CCDC3: variants seen among roughly 807,000 people sequenced by gnomAD.
The protein encoded by CCDC3 is coiled-coil domain containing 3.
In CCDC3, 24 loss-of-function variants were observed where a neutral mutation model predicts 21.4. The observed-to-expected ratio is 1.12, with a 90% CI of 0.81 to 1.58. CCDC3 has a LOEUF of 1.58. Among genes scored for constraint, CCDC3 ranks in the 40% most tolerant of loss-of-function variants. The pLI is 0.00. For missense variants in CCDC3, 425 were observed against 360.9 expected (o/e 1.18, Z -1.44); for synonymous variants, 186 against 166.0 (o/e 1.12, Z -0.93).
At chr10:13,040,115 GT>G (rs1311128617) in intron 5 of CCDC3, among the ~76,000 whole-genome samples, 3 of 152,080 alleles carry the variant, frequency 2.0e-5, no homozygotes, top group African/African-American at 7.2e-5. Context: ...CAACATCCAG[GT>G]TGTCTGTCCC....
At chr10:13,078,344 A>C (rs1029896556) in intron 3 of CCDC3, among the ~76,000 whole-genome samples, 2 of 152,216 alleles carry the variant, frequency 1.3e-5, no homozygotes, top group Non-Finnish European at 2.9e-5. Flanking sequence ...GGTGATCATT[A>C]AAAAGTCAGG....
chr10:13,098,243 G>C (rs1306760832), intron 3 of CCDC3, among the ~76,000 whole-genome samples: 1 of 152,070 alleles, frequency 6.6e-6, no homozygotes, highest in Non-Finnish European at 1.5e-5. Context: ...GCAGCTTGTG[G>C]GTGACCTTCT....
intron 2 of CCDC3, among the ~76,000 whole-genome samples, chr10:12,983,125 A>T (rs1292522810): frequency 1.2e-5 from 1 of 83,636 alleles, no homozygotes; most frequent in Non-Finnish European, 2.2e-5. Flanking sequence ...AATAAATAAA[A>T]TAGTGTATAT....
intron 4 of CCDC3, chr10:13,058,466 C>G (rs1433571819): frequency 1.6e-5 from 12 of 756,150 alleles, no homozygotes; most frequent in Admixed American, 1.0e-4. Context: ...TATCATATCC[C>G]CCTCAATATG....
chr10:12,948,792 G>C (rs1390781381), intron 2 of CCDC3, among the ~76,000 whole-genome samples: 1 of 136,724 alleles, frequency 7.3e-6, no homozygotes, highest in South Asian at 2.4e-4. Flanking sequence ...GACTGCAGTG[G>C]CCTATCTCGG....
chr10:13,085,966 TAAA>T (rs60901983), intron 3 of CCDC3, among the ~76,000 whole-genome samples: 1 of 138,414 alleles, frequency 7.2e-6, no homozygotes, highest in Non-Finnish European at 1.6e-5. Context: ...GACTCCCTCT[TAAA>T]AAAAAAAAAA....
At chr10:13,057,343 T>G (rs150908198) in intron 4 of CCDC3, among the ~76,000 whole-genome samples, 4 of 152,128 alleles carry the variant, frequency 2.6e-5, no homozygotes, top group African/African-American at 7.2e-5. Context: ...AGACTTTTCA[T>G]GATTCCTTCC....
At chr10:13,091,820 CAAAAAAAAAAAAA>C (rs5783305) in intron 3 of CCDC3, among the ~76,000 whole-genome samples, 1 of 127,354 alleles carries the variant, frequency 7.9e-6, no homozygotes, top group Non-Finnish European at 1.6e-5. Context: ...AAGCCCAATC[CAAAAAAAAAAAAA>C]AAAAAAAATT....
chr10:13,017,648 C>A (rs1288321185), intron 5 of CCDC3, among the ~76,000 whole-genome samples: 1 of 151,984 alleles, frequency 6.6e-6, no homozygotes, highest in Non-Finnish European at 1.5e-5. Context: ...CTAGGCACAG[C>A]CTGAGCATTT....
chr10:13,018,093 G>GAA (rs34776135), intron 5 of CCDC3, among the ~76,000 whole-genome samples: 5 of 149,734 alleles, frequency 3.3e-5, no homozygotes, highest in Admixed American at 6.6e-5. Context: ...GGAATGAAAT[G>GAA]AAAAAAAAAA....
intron 3 of CCDC3, among the ~76,000 whole-genome samples, chr10:13,074,974 C>G (rs370686589): frequency 6.6e-6 from 1 of 152,160 alleles, no homozygotes; most frequent in South Asian, 2.1e-4. Flanking sequence ...AAAGAGGACC[C>G]GGTACATCCC....
intron 2 of CCDC3, among the ~76,000 whole-genome samples, chr10:12,908,958 GGGAA>G (rs1460571523): frequency 6.6e-6 from 1 of 152,090 alleles, no homozygotes; most frequent in Non-Finnish European, 1.5e-5. Context: ...CAGGTGTAGT[GGGAA>G]GGAAGATGTT....
At chr10:12,974,853 T>C (rs1392180307) in intron 2 of CCDC3, among the ~76,000 whole-genome samples, 1 of 152,224 alleles carries the variant, frequency 6.6e-6, no homozygotes, top group African/African-American at 2.4e-5. Context: ...CCCAGTGATA[T>C]ATTCCTCTGG....
chr10:13,025,690 A>G (rs1319845516), intron 5 of CCDC3, among the ~76,000 whole-genome samples: 3 of 152,166 alleles, frequency 2.0e-5, no homozygotes, highest in South Asian at 2.1e-4. Context: ...CCTACTATCA[A>G]TTATCCTCAG....
chr10:12,987,794 C>T (rs574250751), intron 2 of CCDC3, among the ~76,000 whole-genome samples: 2 of 152,280 alleles, frequency 1.3e-5, no homozygotes, highest in South Asian at 2.1e-4. Flanking sequence ...AAAGTAGTGA[C>T]AGCAGTGGTC....
intron 4 of CCDC3, among the ~76,000 whole-genome samples, chr10:13,060,872 T>G (rs957424107): frequency 6.6e-6 from 1 of 152,192 alleles, no homozygotes; most frequent in African/African-American, 2.4e-5. Context: ...ATATCATTTG[T>G]GAGTTTTATA....
intron 4 of CCDC3, among the ~76,000 whole-genome samples, chr10:13,051,835 G>A (rs1836611849): frequency 6.6e-6 from 1 of 152,170 alleles, no homozygotes; most frequent in Middle Eastern, 3.4e-3. Flanking sequence ...CAGATTGGGG[G>A]AACAGTTCTG....
intron 2 of CCDC3, among the ~76,000 whole-genome samples, chr10:12,971,525 C>T (rs1162056133): frequency 6.6e-6 from 1 of 152,280 alleles, no homozygotes; most frequent in African/African-American, 2.4e-5. Context: ...TGAATGTCAG[C>T]TCCTGGCACT....
chr10:13,061,442 G>A (rs934807295), intron 4 of CCDC3, among the ~76,000 whole-genome samples: 8 of 152,164 alleles, frequency 5.3e-5, no homozygotes, highest in African/African-American at 1.7e-4. Context: ...TTGTGTGGAC[G>A]AAAACAGTCA....
Sources: gnomAD v4.1 joint callset for allele counts (sites outside exome capture counted in the v4.1 genomes callset) on GRCh38, gnomAD v4.1.1 for gene constraint, MANE v1.5 for transcripts, NCBI Gene and HGNC (gene_info 2026-07-23, HGNC 2026-07-21) for gene names.